MAP3K20: variants seen among roughly 807,000 people sequenced by gnomAD.
The protein encoded by MAP3K20 is HCCS-4.
In MAP3K20, 40 loss-of-function variants were observed where a neutral mutation model predicts 85.7. The observed-to-expected ratio is 0.47, with a 90% CI of 0.36 to 0.61. MAP3K20 has a LOEUF of 0.61. MAP3K20 is among the 20% of genes least tolerant of loss of function. MAP3K20 has a pLI of 0.00. For synonymous variants in MAP3K20, 325 were observed against 327.7 expected (o/e 0.99, Z 0.09); for missense variants, 817 against 961.7 (o/e 0.85, Z 1.99).
intron 11 of MAP3K20, 139 bp downstream of exon 11, chr2:173,217,389 C>T (rs1392953944): frequency 1.4e-5 from 14 of 994,718 alleles, no homozygotes; most frequent in South Asian, 4.0e-5. Flanking sequence ...TTAAAGGGCC[C>T]GCGTGTGGAC....
At chr2:173,085,715 T>G (rs576427981) in intron 1 of MAP3K20, among the ~76,000 whole-genome samples, 65 of 151,762 alleles carry the variant, frequency 4.3e-4, no homozygotes, top group African/African-American at 1.5e-3. Flanking sequence ...AAAACAACAG[T>G]TAGAATCCTA....
intron 16 of MAP3K20, among the ~76,000 whole-genome samples, chr2:173,256,895 T>A (rs960678252): frequency 1.3e-5 from 2 of 152,060 alleles, no homozygotes; most frequent in African/African-American, 4.8e-5. Flanking sequence ...CTTACACCTG[T>A]AATCCCAGCA....
chr2:173,160,395 T>C (rs980644200), intron 2 of MAP3K20: 2 of 152,214 alleles, frequency 1.3e-5, no homozygotes, highest in African/African-American at 4.8e-5. Flanking sequence ...TGGTTTTCCA[T>C]CTTGTCATAC....
chr2:173,198,017 TTG>T lies in MAP3K20; in HGVS notation c.583-7_583-6del. ...CAAAAATAAAAATTCCATTTTCTTT[TTG>T]TTCCAGGTTCTCTGGGAGATGCTAA... On this transcript the variant is annotated splice_polypyrimidine_tract_variant and splice_region_variant and intron_variant, in intron 7 of 19. Coordinates refer to ENST00000375213, the MANE Select transcript of MAP3K20 (RefSeq NM_016653.3). The surrounding 1 kb of genome is among the most constrained non-coding windows in gnomAD (Gnocchi z 5.8). 1.2e-6 allele frequency: 2 copies of T among 1,605,472 alleles called. No individual in the cohort carries two copies. Among genetic ancestry groups the T allele is most frequent in the Non-Finnish European group, 8.5e-7 (1 of 1,176,778 alleles).
In MAP3K20 at chr2:173,100,971, G is replaced by A. The variant is rs549704095; in HGVS notation, c.159+9781G>A. On this transcript the variant is annotated intron_variant, in intron 2 of 19. Coordinates refer to ENST00000375213, the MANE Select transcript of MAP3K20 (RefSeq NM_016653.3). The stretch of plus-strand genomic sequence containing the variant: ...AGCTTGTAATCTAAGACACTCCAAG[G>A]TGAACTGCTATAAAGGTGTTAGAGG... 1.1e-4 allele frequency among the ~76,000 whole-genome samples: 17 copies of A among 152,226 alleles called. No individual in the cohort carries two copies. The Middle Eastern group carries it at 0.014, about 122-fold the overall frequency.
intron 2 of MAP3K20, among the ~76,000 whole-genome samples, chr2:173,102,370 C>T (rs1470153246): frequency 1.3e-5 from 2 of 152,042 alleles, no homozygotes; most frequent in Non-Finnish European, 2.9e-5. Flanking sequence ...GGGTTCTGTT[C>T]TATAGCAGCT....
chr2:173,095,790 A>G (rs939108398), intron 2 of MAP3K20, among the ~76,000 whole-genome samples: 1 of 152,228 alleles, frequency 6.6e-6, no homozygotes, highest in African/African-American at 2.4e-5. Context: ...GAAAATGCTC[A>G]TTGTATAGTG....
chr2:173,173,940 T>C (rs1289329983), intron 3 of MAP3K20, among the ~76,000 whole-genome samples: 1 of 152,136 alleles, frequency 6.6e-6, no homozygotes, highest in African/African-American at 2.4e-5. Flanking sequence ...TCAAAAAAAA[T>C]GAAACAAATA....
intron 5 of MAP3K20, among the ~76,000 whole-genome samples, chr2:173,189,766 T>C (rs1690594338): frequency 6.6e-6 from 1 of 152,194 alleles, no homozygotes; most frequent in African/African-American, 2.4e-5. Flanking sequence ...ATTGCTTCTT[T>C]ATCTGATTTT....
chr2:173,243,760 A>G (rs1354660944), intron 16 of MAP3K20, among the ~76,000 whole-genome samples: 3 of 151,700 alleles, frequency 2.0e-5, no homozygotes, highest in Admixed American at 1.3e-4. Context: ...TGGGACTACA[A>G]CTACAGGCTC....
intron 2 of MAP3K20, among the ~76,000 whole-genome samples, chr2:173,118,876 A>G (rs766086663): frequency 3.3e-5 from 5 of 152,196 alleles, no homozygotes; most frequent in Admixed American, 6.5e-5. Flanking sequence ...AGAAGTAGCT[A>G]TAATTAAGTT....
At chr2:173,102,793 G>T (rs991967731) in intron 2 of MAP3K20, among the ~76,000 whole-genome samples, 3 of 152,140 alleles carry the variant, frequency 2.0e-5, no homozygotes, top group African/African-American at 7.2e-5. Flanking sequence ...AAACTGAATT[G>T]CTTCCATTAT....
At chr2:173,125,849 A>C (rs986167441) in intron 2 of MAP3K20, among the ~76,000 whole-genome samples, 1 of 152,064 alleles carries the variant, frequency 6.6e-6, no homozygotes, top group Non-Finnish European at 1.5e-5. Context: ...TTTTTAGTAG[A>C]GATGGGGTTT....
chr2:173,120,099 A>G (rs1688238609), intron 2 of MAP3K20, among the ~76,000 whole-genome samples: 1 of 152,192 alleles, frequency 6.6e-6, no homozygotes, highest in South Asian at 2.1e-4. Context: ...TAATACAATT[A>G]TCTTTTAAAA....
rs766021132 is a variant in MAP3K20, at chr2:173,263,832, C to T, written c.1639C>T (p.Gln547Ter). The T allele has an allele frequency of 6.2e-7, 1 of 1,613,480 alleles. No individual in the cohort carries two copies. The highest frequency in any genetic ancestry group is 2.2e-5 in the East Asian group (1 of 44,836). ...TKPQDEVKAV[Q>*]LAIQTLFTNS... is the part of the protein sequence containing the mutation. ...ACCTCAGGATGAAGTGAAAGCAGTC[C>T]AACTTGCCATTCAGACATTATTCAC... Residue 547 changes from glutamine to a stop codon, truncating the protein, a stop_gained, in exon 19 of 20, where the codon CAA becomes TAA. Coordinates refer to ENST00000375213, the MANE Select transcript of MAP3K20 (RefSeq NM_016653.3). LOFTEE classifies it high-confidence loss of function.
chr2:173,196,181 T>G (rs1171518101), intron 7 of MAP3K20, among the ~76,000 whole-genome samples: 1 of 152,208 alleles, frequency 6.6e-6, no homozygotes, highest in Admixed American at 6.5e-5. Context: ...GCTAACTCCC[T>G]GTTCCCATTC....
intron 2 of MAP3K20, among the ~76,000 whole-genome samples, chr2:173,154,609 T>C (rs1311943070): frequency 6.6e-6 from 1 of 152,218 alleles, no homozygotes; most frequent in Non-Finnish European, 1.5e-5. Context: ...AATAGGTACT[T>C]TTATTTTTCC....
intron 2 of MAP3K20, among the ~76,000 whole-genome samples, chr2:173,119,263 C>CT (rs1354431777): frequency 6.6e-6 from 1 of 152,184 alleles, no homozygotes; most frequent in Admixed American, 6.5e-5. Context: ...AAGCCATCTG[C>CT]TGGGGGTCCA....
At chr2:173,116,301 CTT>C (rs1688122334) in intron 2 of MAP3K20, among the ~76,000 whole-genome samples, 1 of 152,168 alleles carries the variant, frequency 6.6e-6, no homozygotes, top group African/African-American at 2.4e-5. Context: ...AATATACTCT[CTT>C]AGCAATTTTC....
Sources: gnomAD v4.1 joint callset for allele counts (sites outside exome capture counted in the v4.1 genomes callset) on GRCh38, gnomAD v4.1.1 for gene constraint, Gnocchi (gnomAD v3.1) non-coding constraint, MANE v1.5 for transcripts, NCBI Gene and HGNC (gene_info 2026-07-23, HGNC 2026-07-21) for gene names.